Variants in FRMD6 observed in about 807,000 individuals in gnomAD.
The protein encoded by FRMD6 is FERM domain-containing protein 6.
A neutral mutation model predicts 73.2 loss-of-function variants in FRMD6; 37 were observed. The ratio of observed to expected loss-of-function variants is 0.51; its 90% CI spans 0.39 to 0.66. FRMD6 has a LOEUF of 0.66. Ranked by LOEUF, FRMD6 falls within the 30% of genes least tolerant of loss-of-function variation. The probability of loss-of-function intolerance (pLI) is 0.00; values close to 1 mark genes in which losing one functional copy is unlikely to be tolerated. For missense variants in FRMD6, 714 were observed against 780.5 expected (o/e 0.91, Z 1.02); for synonymous variants, 273 against 282.2 (o/e 0.97, Z 0.33).
At position 51,533,044 on chromosome 14, in the gene FRMD6, C is replaced by G. The variant is rs548385217; in HGVS notation, c.-209-37304C>G. On this transcript the variant is annotated intron_variant, in intron 1 of 14. Transcript: ENST00000356218. ...TAGAACAGTCCAGAAAATGTTATGTCCTACAACCAATAATGGTCTCTGCCT... is the reference window on the plus strand; with the variant it reads ...TAGAACAGTCCAGAAAATGTTATGTGCTACAACCAATAATGGTCTCTGCCT... Among the ~76,000 whole-genome samples the G allele has an allele frequency of 1.8e-4, 27 of 152,298 alleles. No individual in the cohort carries two copies. In the South Asian group the frequency reaches 5.6e-3, roughly 32 times the overall value.
Position 51,605,145 on chromosome 14 carries a change from T to TC in FRMD6, c.-147+34735_-147+34736insC, listed in dbSNP as rs1251027062. ...TTTACTTCTCTGCAGGTTTCTTTTTTTTTTTTTTTTTTTATTGATCATTCT... is the reference window on the plus strand; with the variant it reads ...TTTACTTCTCTGCAGGTTTCTTTTTTCTTTTTTTTTTTTTATTGATCATTCT... On this transcript the variant is annotated intron_variant, in intron 2 of 14. Transcript: ENST00000356218. Among the ~76,000 whole-genome samples the TC allele has an allele frequency of 1.2e-3, 180 of 148,990 alleles. 1 individual carries two copies. Among genetic ancestry groups the TC allele is most frequent in the Admixed American group, 9.3e-3 (140 of 15,006 alleles).
At chr14:51,483,566 C>T in the FRMD6 span, among the ~76,000 whole-genome samples, 6 of 152,248 alleles carry the variant, frequency 3.9e-5, no homozygotes, top group South Asian at 1.2e-3. Flanking sequence ...AAAATGGTAC[C>T]CGTGGCTGAA....
chr14:51,596,979 C>G (rs1402743497), intron 2 of FRMD6, among the ~76,000 whole-genome samples: 1 of 152,186 alleles, frequency 6.6e-6, no homozygotes, highest in Non-Finnish European at 1.5e-5. Flanking sequence ...TCGCATTTAA[C>G]TAACACATGT....
chr14:51,433,838 G>T, the FRMD6 span, among the ~76,000 whole-genome samples: 1 of 152,188 alleles, frequency 6.6e-6, no homozygotes, highest in Admixed American at 6.5e-5. Context: ...GATGCTGGGG[G>T]AACCCCAAAT....
chr14:51,728,022 T>C lies in FRMD6; in HGVS notation c.1862T>C (p.Val621Ala), dbSNP rs1380813867. 4 of 1,607,304 alleles carry C rather than the reference T, an allele frequency of 2.5e-6. No individual in the cohort carries two copies. The African/African-American group carries it at 5.3e-5, about 21-fold the overall frequency. Residue 621 changes from valine to alanine, a missense_variant, in exon 14 of 14, where the codon GTT becomes GCT. Val to Ala is a moderately conservative substitution (Grantham distance 64, BLOSUM62 0). Coordinates refer to ENST00000344768, the MANE Select transcript of FRMD6 (RefSeq NM_001267046.2). ...DLTHDEVPEF[V>A]V ...ACTCATGATGAAGTTCCAGAGTTTGTTGTGTAAAGTCCGTCTGTGTGCAGC... is the reference window on the plus strand; with the variant it reads ...ACTCATGATGAAGTTCCAGAGTTTGCTGTGTAAAGTCCGTCTGTGTGCAGC...
chr14:51,430,217 A>G, the FRMD6 span, among the ~76,000 whole-genome samples: 13 of 152,214 alleles, frequency 8.5e-5, no homozygotes, highest in Admixed American at 3.3e-4. Context: ...ACAAGTCAAC[A>G]ACAAATCCCT....
At chr14:51,410,723 G>T in the FRMD6 span, among the ~76,000 whole-genome samples, 1 of 152,182 alleles carries the variant, frequency 6.6e-6, no homozygotes, top group Non-Finnish European at 1.5e-5. Context: ...TATATGTCTT[G>T]TCAGGCCTTT....
At chr14:51,543,754 G>A (rs1275961871) in intron 1 of FRMD6, among the ~76,000 whole-genome samples, 1 of 151,958 alleles carries the variant, frequency 6.6e-6, no homozygotes, top group Non-Finnish European at 1.5e-5. Context: ...TTTTGGTGAT[G>A]GGAACTCAAA....
chr14:51,421,026 TCA>T, the FRMD6 span, among the ~76,000 whole-genome samples: 2 of 152,124 alleles, frequency 1.3e-5, no homozygotes, highest in Non-Finnish European at 2.9e-5. Context: ...ATCCACCCCC[TCA>T]GTCTCCCAAA....
intron 12 of FRMD6, among the ~76,000 whole-genome samples, chr14:51,722,806 A>G (rs146478721): frequency 1.2e-3 from 176 of 152,320 alleles, no homozygotes; most frequent in African/African-American, 4.1e-3. Context: ...AACCAGCACT[A>G]TTGAAATGGC....
At chr14:51,542,503 T>C (rs1308592604) in intron 1 of FRMD6, among the ~76,000 whole-genome samples, 1 of 152,128 alleles carries the variant, frequency 6.6e-6, no homozygotes, top group African/African-American at 2.4e-5. Context: ...TAGTATGATA[T>C]GCCACATTTT....
intron 10 of FRMD6, among the ~76,000 whole-genome samples, chr14:51,716,639 G>A (rs1203544666): frequency 2.6e-5 from 4 of 152,114 alleles, no homozygotes; most frequent in East Asian, 1.9e-4. Flanking sequence ...TTGTAATTTC[G>A]TAGCGATTAG....
the FRMD6 span, among the ~76,000 whole-genome samples, chr14:51,474,783 C>T: frequency 1.4e-4 from 22 of 152,170 alleles, 1 homozygote; most frequent in South Asian, 4.2e-4. Flanking sequence ...GAGAGGTGGG[C>T]GAACAAAAAT....
chr14:51,451,691 T>C, the FRMD6 span, among the ~76,000 whole-genome samples: 2 of 152,180 alleles, frequency 1.3e-5, no homozygotes, highest in Admixed American at 1.3e-4. Flanking sequence ...TCTCACTCTA[T>C]TTAGTTCGCA....
the FRMD6 span, among the ~76,000 whole-genome samples, chr14:51,466,530 T>C: frequency 6.6e-6 from 1 of 152,234 alleles, no homozygotes; most frequent in Non-Finnish European, 1.5e-5. Context: ...CATTGAATCA[T>C]TTTGGCACTT....
Position 51,689,841 on chromosome 14 carries a change from A to G in FRMD6, c.5A>G (p.Asn2Ser). The change falls in exon 2 of 14, where the codon AAC becomes AGC. Residue 2 changes from asparagine (N) to serine (S), a missense_variant. Asn to Ser is a conservative substitution (Grantham distance 46). Transcript: ENST00000344768. ...CACCAGAGTGCCCAAAACACAATGA[A>G]CAAATTGAATTTTCATAACAACAGA... M[N>S]KLNFHNNRVM... 6.2e-7 allele frequency: 1 copy of G among 1,609,446 alleles called. No individual in the cohort carries two copies. The highest frequency in any genetic ancestry group is 8.5e-7 in the Non-Finnish European group (1 of 1,176,790).
chr14:51,466,084 G>A, the FRMD6 span, among the ~76,000 whole-genome samples: 1 of 152,042 alleles, frequency 6.6e-6, no homozygotes, highest in African/African-American at 2.4e-5. Context: ...TGTTTATCAG[G>A]CACTTGTACA....
chr14:51,627,459 C>T (rs1370238901), intron 2 of FRMD6, among the ~76,000 whole-genome samples: 1 of 152,142 alleles, frequency 6.6e-6, no homozygotes, highest in African/African-American at 2.4e-5. Context: ...AGAGGACACC[C>T]TGGTGTACAG....
chr14:51,481,657 T>A, the FRMD6 span, among the ~76,000 whole-genome samples: 1 of 152,262 alleles, frequency 6.6e-6, no homozygotes, highest in African/African-American at 2.4e-5. Flanking sequence ...TCACCCAAGC[T>A]GGCTATTATT....
Sources: allele counts gnomAD v4.1 joint callset (sites outside exome capture counted in the v4.1 genomes callset), GRCh38; gene constraint gnomAD v4.1.1; transcripts MANE v1.5; gene names NCBI Gene and HGNC (gene_info 2026-07-23, HGNC 2026-07-21).